Variants in RASA1 observed in about 807,000 individuals in gnomAD.
RASA1 encodes ras GTPase-activating protein 1.
In RASA1, 25 loss-of-function variants were observed where a neutral mutation model predicts 132.2. The ratio of observed to expected loss-of-function variants is 0.19; its 90% CI spans 0.14 to 0.26. The LOEUF (loss-of-function observed/expected upper bound fraction) is 0.26. RASA1 is among the 10% of genes least tolerant of loss of function. The probability of loss-of-function intolerance (pLI) is 1.00; values close to 1 mark genes in which losing one functional copy is unlikely to be tolerated. For synonymous variants in RASA1, 477 were observed against 449.9 expected, an observed-to-expected ratio of 1.06 and a Z score of -0.76; for missense variants, 964 against 1,299.2, an observed-to-expected ratio of 0.74 and a Z score of 3.97.
chr5:87,357,107 TC>T (rs1759707683), intron 9 of RASA1, among the ~76,000 whole-genome samples: 1 of 152,162 alleles, frequency 6.6e-6, no homozygotes, highest in African/African-American at 2.4e-5. Context: ...ATGTCAGTCT[TC>T]CTCTCTGCCT....
chr5:87,366,757 C>T (rs554419355), intron 11 of RASA1, among the ~76,000 whole-genome samples: 52 of 152,318 alleles, frequency 3.4e-4, no homozygotes, highest in Admixed American at 1.6e-3. Context: ...TAAGACTGGG[C>T]GCAGTGGCTC....
intron 24 of RASA1, among the ~76,000 whole-genome samples, chr5:87,390,577 C>CACAA (rs750055808): frequency 1.3e-5 from 2 of 152,108 alleles, no homozygotes; most frequent in Non-Finnish European, 2.9e-5. Context: ...GCATGCCAAA[C>CACAA]ACAAACAAAT....
intron 4 of RASA1, among the ~76,000 whole-genome samples, chr5:87,335,419 G>GTTTTTTTTTTT (rs34986349): frequency 1.2e-4 from 9 of 72,886 alleles, no homozygotes; most frequent in African/African-American, 1.7e-4. Flanking sequence ...AAAGAATGAG[G>GTTTTTTTTTTT]TTTTTTTTTT....
At chr5:87,287,357 A>G (rs1264496839) in intron 1 of RASA1, among the ~76,000 whole-genome samples, 6 of 148,292 alleles carry the variant, frequency 4.0e-5, no homozygotes, top group African/African-American at 1.5e-4. Flanking sequence ...CCATATATAC[A>G]CCATATATAT....
rs184603893 is a variant in RASA1 at position 87,312,357 on chromosome 5, T to A, written c.540-18991T>A. On this transcript the variant is annotated intron_variant, in intron 1 of 24. Transcript: ENST00000274376. ...GTACAAAAATGTAAATTGGTGCTGC[T>A]CTTCTCATAAATTTTTTTTGGAGAA... 2.6e-4 allele frequency among the ~76,000 whole-genome samples: 40 copies of A among 152,368 alleles called. No individual in the cohort carries two copies. In the East Asian group the frequency reaches 3.7e-3, roughly 14 times the overall value.
intron 2 of RASA1, among the ~76,000 whole-genome samples, chr5:87,331,917 A>G (rs1757628347): frequency 6.6e-6 from 1 of 152,156 alleles, no homozygotes; most frequent in Non-Finnish European, 1.5e-5. Context: ...CTTCAGTGAA[A>G]CAGACATATA....
At chr5:87,273,818 C>T (rs1023958468) in intron 1 of RASA1, among the ~76,000 whole-genome samples, 6 of 151,826 alleles carry the variant, frequency 4.0e-5, no homozygotes, top group African/African-American at 1.5e-4. Flanking sequence ...CTGCCTCTGC[C>T]TCCCCAGTAG....
intron 1 of RASA1, among the ~76,000 whole-genome samples, chr5:87,288,145 C>G (rs979462713): frequency 7.2e-6 from 1 of 138,846 alleles, no homozygotes; most frequent in Non-Finnish European, 1.6e-5. Flanking sequence ...ATATACACAC[C>G]ATATATATAT....
intron 1 of RASA1, among the ~76,000 whole-genome samples, chr5:87,324,069 TG>T (rs1453598850): frequency 2.0e-5 from 3 of 152,206 alleles, no homozygotes; most frequent in South Asian, 4.1e-4. Context: ...TAAGAGACAA[TG>T]TTAGACTAAA....
Position 87,376,401 on chromosome 5 carries a change from C to T in RASA1, c.2020C>T (p.Arg674Cys), listed in dbSNP as rs370631681. ...TTGTTTTTCTTCCCAAGTATTTATG[C>T]GCTGCCAGTTGAGCCGATTACAGAA... ...KSKDPDILFMRCQLSRLQKGH... is the reference protein window; with the variant it reads ...KSKDPDILFMCCQLSRLQKGH... The change falls in exon 16 of 25, where the codon CGC (arginine) becomes TGC (cysteine). Residue 674 changes from arginine (R) to cysteine (C), a missense_variant. This residue lies in a region of RASA1 where 346 missense variants were observed against 520.1 expected (regional missense o/e 0.67). Transcript: ENST00000274376. 77 of 1,613,656 alleles carry T rather than the reference C, an allele frequency of 4.8e-5. No homozygotes were observed. Among genetic ancestry groups the T allele is most frequent in the Admixed American group, 8.3e-5 (5 of 59,968 alleles).
chr5:87,308,744 T>G (rs536565993), intron 1 of RASA1, among the ~76,000 whole-genome samples: 1 of 152,308 alleles, frequency 6.6e-6, no homozygotes, highest in East Asian at 1.9e-4. Flanking sequence ...TTATTGTGTC[T>G]TTTCTGTATT....
At chr5:87,281,919 G>A (rs1754337202) in intron 1 of RASA1, among the ~76,000 whole-genome samples, 1 of 152,002 alleles carries the variant, frequency 6.6e-6, no homozygotes, top group Non-Finnish European at 1.5e-5. Context: ...TGTTTTCGTA[G>A]GAGTTCTTTA....
chr5:87,391,150 C>T lies in RASA1; in HGVS notation c.*267C>T, dbSNP rs1762485512. On this transcript the variant is annotated 3_prime_UTR_variant, in exon 25 of 25. Coordinates refer to ENST00000274376, the MANE Select transcript of RASA1 (RefSeq NM_002890.3). ...GCCTTGGTGTACAGACCACCTTTCACAAAACGAAATGCTATGACTGTATCT... is the reference window on the plus strand; with the variant it reads ...GCCTTGGTGTACAGACCACCTTTCATAAAACGAAATGCTATGACTGTATCT... The T allele has an allele frequency of 1.6e-5, 9 of 567,336 alleles. No homozygotes were observed. The highest frequency in any genetic ancestry group is 2.8e-5 in the Non-Finnish European group (9 of 316,544). The allele number at this position is 567,336 out of a possible 1,614,324, so 35.1% of individuals were successfully genotyped here. A position where few individuals can be genotyped will look rare whatever the true frequency, so the allele number is the denominator to read the frequency against.
chr5:87,271,471 T>TC, intron 1 of RASA1, among the ~76,000 whole-genome samples: 1 of 131,592 alleles, frequency 7.6e-6, no homozygotes, highest in African/African-American at 2.8e-5. Flanking sequence ...TTTTTTTTTT[T>TC]TTTTTTTTTT....
intron 8 of RASA1, among the ~76,000 whole-genome samples, chr5:87,352,938 C>G (rs1049093904): frequency 6.6e-6 from 1 of 151,802 alleles, no homozygotes; most frequent in Non-Finnish European, 1.5e-5. Context: ...AAATCAGAAT[C>G]TGGGCCATGT....
chr5:87,346,999 A>C (rs1758912482), intron 7 of RASA1, among the ~76,000 whole-genome samples: 1 of 151,962 alleles, frequency 6.6e-6, no homozygotes, highest in African/African-American at 2.4e-5. Flanking sequence ...ATGTTTCTAG[A>C]AGTTTTCTGT....
intron 1 of RASA1, among the ~76,000 whole-genome samples, chr5:87,299,955 C>T (rs952211325): frequency 1.3e-5 from 2 of 152,088 alleles, no homozygotes; most frequent in African/African-American, 2.4e-5. Context: ...TATGTAGAGG[C>T]AACAGTGCTA....
intron 15 of RASA1, 134 bp downstream of exon 15, chr5:87,375,050 G>A (rs1284854756): frequency 1.7e-6 from 2 of 1,208,702 alleles, no homozygotes; most frequent in Admixed American, 2.9e-5. Flanking sequence ...GTTTCTTTCT[G>A]TACTTCTTAA....
At chr5:87,283,586 T>C (rs1162011024) in intron 1 of RASA1, among the ~76,000 whole-genome samples, 2 of 152,100 alleles carry the variant, frequency 1.3e-5, no homozygotes, top group African/African-American at 2.4e-5. Context: ...TTGTATATTA[T>C]ATATATCTAA....
Sources: gnomAD v4.1 joint callset for allele counts (sites outside exome capture counted in the v4.1 genomes callset) on GRCh38, gnomAD v4.1.1 for gene constraint, gnomAD v4.1.1 regional missense constraint, MANE v1.5 for transcripts, NCBI Gene and HGNC (gene_info 2026-07-23, HGNC 2026-07-21) for gene names.